The following RFX7 variants were observed in gnomAD, a reference collection of about 807,000 sequenced individuals.
RFX7 encodes regulatory factor X7, also known as DNA-binding protein RFX7.
A neutral mutation model predicts 111.8 loss-of-function variants in RFX7; 26 were observed. The observed-to-expected ratio is 0.23, with a 90% CI of 0.17 to 0.32. The LOEUF (loss-of-function observed/expected upper bound fraction) is 0.32. Ranked by LOEUF, RFX7 falls within the 10% of genes least tolerant of loss-of-function variation. RFX7 has a pLI of 1.00. For synonymous variants in RFX7, 624 were observed against 624.4 expected (o/e 1.00, Z 0.01); for missense variants, 1,573 against 1,772.9 (o/e 0.89, Z 2.02).
chr15:56,240,477 T>C (rs2043676649), intron 2 of RFX7, among the ~76,000 whole-genome samples: 1 of 152,162 alleles, frequency 6.6e-6, no homozygotes, highest in African/African-American at 2.4e-5. Context: ...TCAATGCACA[T>C]ACTTTTATCA....
intron 3 of RFX7, among the ~76,000 whole-genome samples, chr15:56,152,389 G>C (rs975715743): frequency 6.6e-6 from 1 of 152,116 alleles, no homozygotes; most frequent in African/African-American, 2.4e-5. Flanking sequence ...AGAACTCAGG[G>C]TTAAGAAACT....
At chr15:56,215,269 TTTC>T (rs1215494891) in intron 2 of RFX7, among the ~76,000 whole-genome samples, 12 of 152,244 alleles carry the variant, frequency 7.9e-5, no homozygotes, top group African/African-American at 2.4e-4. Context: ...TCATTTTATA[TTTC>T]TTTTTTCAAA....
intron 2 of RFX7, among the ~76,000 whole-genome samples, chr15:56,205,065 T>C (rs2043236627): frequency 6.6e-6 from 1 of 152,202 alleles, no homozygotes; most frequent in African/African-American, 2.4e-5. Context: ...CTATGGCTTG[T>C]GGAGAGCATT....
intron 3 of RFX7, among the ~76,000 whole-genome samples, chr15:56,166,833 A>G (rs2141099535): frequency 6.6e-6 from 1 of 152,198 alleles, no homozygotes; most frequent in East Asian, 1.9e-4. Flanking sequence ...TAGCTCCTGC[A>G]GTCTGGAACT....
At chr15:56,210,352 T>G (rs1342866452) in intron 2 of RFX7, among the ~76,000 whole-genome samples, 1 of 152,090 alleles carries the variant, frequency 6.6e-6, no homozygotes, top group Non-Finnish European at 1.5e-5. Context: ...CAGAATAGAC[T>G]ATTACACTTG....
chr15:56,136,092 G>T (rs182381312), intron 5 of RFX7, among the ~76,000 whole-genome samples: 3 of 152,196 alleles, frequency 2.0e-5, no homozygotes, highest in Admixed American at 6.5e-5. Context: ...TTGACTTGGC[G>T]ATGCGGGCTC....
At chr15:56,163,456 AAAC>A (rs1346190832) in intron 3 of RFX7, among the ~76,000 whole-genome samples, 1 of 152,216 alleles carries the variant, frequency 6.6e-6, no homozygotes, top group African/African-American at 2.4e-5. Flanking sequence ...TTTAAAAATT[AAAC>A]AACATTATTC....
At chr15:56,155,638 T>C (rs1473837288) in intron 3 of RFX7, among the ~76,000 whole-genome samples, 1 of 152,076 alleles carries the variant, frequency 6.6e-6, no homozygotes, top group Non-Finnish European at 1.5e-5. Flanking sequence ...AGGGGAGGGA[T>C]AACATTAGGA....
intron 2 of RFX7, 63 bp downstream of exon 2, chr15:56,243,062 C>CCCCCCCAATTG: frequency 4.8e-6 from 5 of 1,049,044 alleles, no homozygotes; most frequent in Non-Finnish European, 6.7e-6. Flanking sequence ...CGCCGCCCCC[C>CCCCCCCAATTG]ACCCACTTTG....
At chr15:56,242,775 C>A (rs2043716370) in intron 2 of RFX7, among the ~76,000 whole-genome samples, 1 of 152,180 alleles carries the variant, frequency 6.6e-6, no homozygotes, top group South Asian at 2.1e-4. Context: ...AAGGAGTAAA[C>A]ACATTTCACA....
chr15:56,166,045 T>A (rs1017280011), intron 3 of RFX7, among the ~76,000 whole-genome samples: 1 of 152,078 alleles, frequency 6.6e-6, no homozygotes. Context: ...TGAGAATACA[T>A]GTTCATGCCA....
chr15:56,108,780 T>G (rs1367983579), intron 5 of RFX7, among the ~76,000 whole-genome samples: 1 of 152,150 alleles, frequency 6.6e-6, no homozygotes, highest in Non-Finnish European at 1.5e-5. Context: ...GACAACATGA[T>G]CCTATATTTA....
chr15:56,238,787 G>C (rs1476737770), intron 2 of RFX7, among the ~76,000 whole-genome samples: 3 of 152,100 alleles, frequency 2.0e-5, no homozygotes, highest in Non-Finnish European at 4.4e-5. Flanking sequence ...TCTCTTATCT[G>C]AAATGCGTGG....
intron 3 of RFX7, among the ~76,000 whole-genome samples, chr15:56,158,317 A>G (rs1351776027): frequency 2.0e-5 from 3 of 152,162 alleles, no homozygotes; most frequent in Non-Finnish European, 2.9e-5. Flanking sequence ...CAGCGACAAA[A>G]TGCTCATAAT....
intron 2 of RFX7, among the ~76,000 whole-genome samples, chr15:56,204,097 T>C (rs1473432466): frequency 1.3e-5 from 2 of 151,504 alleles, no homozygotes; most frequent in African/African-American, 4.9e-5. Context: ...CGTGGCTCAT[T>C]GTAACTTCTA....
At chr15:56,192,159 T>C (rs1235832414) in intron 2 of RFX7, among the ~76,000 whole-genome samples, 1 of 152,122 alleles carries the variant, frequency 6.6e-6, no homozygotes, top group Non-Finnish European at 1.5e-5. Context: ...AATTAGTTCT[T>C]AATGGTGGAA....
intron 2 of RFX7, among the ~76,000 whole-genome samples, chr15:56,182,672 G>A (rs2042987686): frequency 6.6e-6 from 1 of 152,094 alleles, no homozygotes; most frequent in Non-Finnish European, 1.5e-5. Context: ...ACACTTAAAT[G>A]AAATTCATTC....
chr15:56,222,870 G>A (rs558866624), intron 2 of RFX7, among the ~76,000 whole-genome samples: 17 of 152,070 alleles, frequency 1.1e-4, no homozygotes, highest in Admixed American at 8.5e-4. Flanking sequence ...TTATACAGCT[G>A]GTCATTGTGG....
intron 5 of RFX7, among the ~76,000 whole-genome samples, chr15:56,118,392 G>A (rs2140959932): frequency 6.6e-6 from 1 of 152,120 alleles, no homozygotes; most frequent in African/African-American, 2.4e-5. Flanking sequence ...GTATCTCCAT[G>A]AGTTCAATTA....
Sources: gnomAD v4.1 joint callset for allele counts (sites outside exome capture counted in the v4.1 genomes callset) on GRCh38, gnomAD v4.1.1 for gene constraint, MANE v1.5 for transcripts, NCBI Gene and HGNC (gene_info 2026-07-23, HGNC 2026-07-21) for gene names.